The following NT5E variants were observed in gnomAD, a reference collection of about 807,000 sequenced individuals.
NT5E encodes 5'-nucleotidase ecto.
Under a neutral mutation model 55.1 loss-of-function variants are expected in NT5E, and 53 were observed. That is an observed-to-expected ratio of 0.96 (90% CI 0.77 to 1.21). The LOEUF (loss-of-function observed/expected upper bound fraction) is 1.21, where lower values mean the gene tolerates loss of function less well. Ranked by LOEUF, NT5E falls within the 50% of genes most tolerant of loss-of-function variation. The probability of loss-of-function intolerance (pLI) is 0.00; values close to 1 mark genes in which losing one functional copy is unlikely to be tolerated. For missense variants in NT5E, 683 were observed against 724.3 expected, an observed-to-expected ratio of 0.94 and a Z score of 0.65; for synonymous variants, 270 against 278.4, an observed-to-expected ratio of 0.97 and a Z score of 0.30.
intron 3 of NT5E, among the ~76,000 whole-genome samples, chr6:85,475,935 T>A (rs1332169943): frequency 6.6e-6 from 1 of 152,138 alleles, no homozygotes; most frequent in Non-Finnish European, 1.5e-5. Flanking sequence ...TAAAAAAAAA[T>A]TTGGTAGAAT....
chr6:85,478,853 AAG>A (rs967946976), intron 3 of NT5E, among the ~76,000 whole-genome samples: 1 of 151,704 alleles, frequency 6.6e-6, no homozygotes, highest in East Asian at 1.9e-4. Context: ...GAGAGAGAGA[AAG>A]AGAGAGAGAG....
At chr6:85,471,021 A>G (rs1205089296) in intron 2 of NT5E, among the ~76,000 whole-genome samples, 4 of 152,212 alleles carry the variant, frequency 2.6e-5, no homozygotes, top group African/African-American at 9.7e-5. Flanking sequence ...CACAACCTTA[A>G]ACTAATACAA....
rs74858361 is a variant in NT5E at position 85,467,248 on chromosome 6, C to T, written c.528C>T (p.Tyr176=). The part of the protein sequence containing the change: ...VGDEVVGIVG[Y]TSKETPFLSN... ...ATGAAGTTGTGGGAATCGTTGGATA[C>T]ACTTCCAAAGAAACCCCTTTTCTCT... The change falls in exon 2 of 9, where the codon TAC becomes TAT. Residue 176 remains tyrosine, a synonymous_variant. Coordinates refer to ENST00000257770, the MANE Select transcript of NT5E (RefSeq NM_002526.4). The T allele has an allele frequency of 1.4e-3, 2,297 of 1,614,146 alleles. 56 individuals are homozygous for T. In the East Asian group the frequency reaches 0.046, roughly 33 times the overall value.
chr6:85,467,761 A>G lies in NT5E; in HGVS notation c.562+479A>G, dbSNP rs879718505. Among the ~76,000 whole-genome samples the G allele has an allele frequency of 2.5e-4, 38 of 152,100 alleles. 1 individual carries two copies. Among genetic ancestry groups the G allele is most frequent in the Admixed American group, 5.2e-4 (8 of 15,272 alleles). On this transcript the variant is annotated intron_variant, in intron 2 of 8. Coordinates refer to ENST00000257770, the MANE Select transcript of NT5E (RefSeq NM_002526.4). ...CATCTCGTTTTAATGACATTCTTGTATCTGACTTTCTGGGAAATATATATA... is the reference window on the plus strand; with the variant it reads ...CATCTCGTTTTAATGACATTCTTGTGTCTGACTTTCTGGGAAATATATATA...
intron 1 of NT5E, among the ~76,000 whole-genome samples, chr6:85,458,367 T>G (rs1769027849): frequency 2.0e-5 from 3 of 152,246 alleles, no homozygotes. Flanking sequence ...CTCAGGCCTC[T>G]GCTTCCTCTT....
chr6:85,457,853 T>C (rs1442311722), intron 1 of NT5E, among the ~76,000 whole-genome samples: 1 of 152,144 alleles, frequency 6.6e-6, no homozygotes, highest in African/African-American at 2.4e-5. Flanking sequence ...ATAATGGCCA[T>C]TCGAGTTCCT....
chr6:85,475,680 T>C (rs1009996696), intron 3 of NT5E, among the ~76,000 whole-genome samples: 4 of 152,238 alleles, frequency 2.6e-5, no homozygotes, highest in African/African-American at 9.6e-5. Flanking sequence ...CTCTGTGCTG[T>C]CCTTGAAGGG....
chr6:85,450,976 CTT>C lies in NT5E; in HGVS notation c.339+500_339+501del, dbSNP rs1054444647. 1.3e-5 allele frequency among the ~76,000 whole-genome samples: 2 copies of C among 152,248 alleles called. No homozygotes were observed. The highest frequency in any genetic ancestry group is 2.9e-5 in the Non-Finnish European group (2 of 68,046). ...CGTGATAAGAATGGACACCAGATCT[CTT>C]TGACCCCGGAGCTTGAGAGTAATTA... On this transcript the variant is annotated intron_variant, in intron 1 of 8. Coordinates refer to ENST00000257770, the MANE Select transcript of NT5E (RefSeq NM_002526.4). The surrounding 1 kb of genome is among the most constrained non-coding windows in gnomAD (Gnocchi z 4.0).
At position 85,475,171 on chromosome 6, in the gene NT5E, C is replaced by T. The variant is rs563987703; in HGVS notation, c.751+3746C>T. On this transcript the variant is annotated intron_variant, in intron 3 of 8. Coordinates refer to ENST00000257770, the MANE Select transcript of NT5E (RefSeq NM_002526.4). ...AATCTTACTGAGAACCATTTCTGCA[C>T]GCACAGTATCCAATATACAAACACA... Among the ~76,000 whole-genome samples the T allele has an allele frequency of 3.3e-5, 5 of 152,302 alleles. No individual in the cohort carries two copies. In the East Asian group the frequency reaches 9.6e-4, roughly 29 times the overall value.
intron 5 of NT5E, among the ~76,000 whole-genome samples, chr6:85,488,835 C>A (rs1769722483): frequency 6.6e-6 from 1 of 150,776 alleles, no homozygotes; most frequent in Admixed American, 6.6e-5. Context: ...CCTGCCACAG[C>A]CTCCCAAAGT....
rs758049503 is a variant in NT5E at position 85,467,280 on chromosome 6, C to T, written c.560C>T (p.Pro187Leu). The T allele has an allele frequency of 3.1e-6, 5 of 1,613,342 alleles. No individual in the cohort carries two copies. The highest frequency in any genetic ancestry group is 1.1e-5 in the South Asian group (1 of 91,052). ...TSKETPFLSN[P>L]GTNLVFEDEI... is the part of the protein sequence containing the mutation. ...AAAGAAACCCCTTTTCTCTCAAATCCAGGTATTTTCTACTTTTATAGCACT... is the reference window on the plus strand; with the variant it reads ...AAAGAAACCCCTTTTCTCTCAAATCTAGGTATTTTCTACTTTTATAGCACT... The change falls in exon 2 of 9, where the codon CCA (proline) becomes CTA (leucine). Residue 187 changes from proline to leucine, a missense_variant and splice_region_variant. Transcript: ENST00000257770.
chr6:85,492,264 T>C, intron 8 of NT5E, 87 bp downstream of exon 8: 1 of 1,218,484 alleles, frequency 8.2e-7, no homozygotes, highest in African/African-American at 1.5e-5. Context: ...GAGGGCAAAG[T>C]GACTCCCTGT....
Position 85,491,957 on chromosome 6 carries a change from CAG to C in NT5E, c.1361-18_1361-17del. 2 of 1,609,816 alleles carry C rather than the reference CAG, an allele frequency of 1.2e-6. No homozygotes were observed. ...AATCTCCCTTTGGATCTGGTGAAAA[CAG>C]ATTCATTTCTTTTCTAGGAATCCAT... is the stretch of plus-strand genomic sequence containing the variant. On this transcript the variant is annotated intron_variant, in intron 7 of 8. Coordinates refer to ENST00000257770, the MANE Select transcript of NT5E (RefSeq NM_002526.4).
Position 85,490,582 on chromosome 6 carries a change from T to A in NT5E, c.1285T>A (p.Ser429Thr). 1 of 1,614,210 alleles carries A rather than the reference T, an allele frequency of 6.2e-7. No individual in the cohort carries two copies. Among genetic ancestry groups the A allele is most frequent in the Non-Finnish European group, 8.5e-7 (1 of 1,180,018 alleles). ...ATTTGACCTAGTCCAGTTAAAAGGT[T>A]CCACCCTGAAGAAGGCCTTTGAGCA... The part of the protein sequence containing the change: ...GTFDLVQLKG[S>T]TLKKAFEHSV... Residue 429 changes from serine (S) to threonine (T), a missense_variant, in exon 7 of 9, where the codon TCC becomes ACC. By Grantham distance (58) the Ser-to-Thr change is moderately conservative. Transcript: ENST00000257770.
At chr6:85,461,221 C>T (rs1303298377) in intron 1 of NT5E, among the ~76,000 whole-genome samples, 1 of 152,130 alleles carries the variant, frequency 6.6e-6, no homozygotes, top group Non-Finnish European at 1.5e-5. Flanking sequence ...GTCCTTCAGC[C>T]CCTTATCCCA....
At chr6:85,488,110 C>T (rs978531152) in intron 5 of NT5E, among the ~76,000 whole-genome samples, 2 of 152,198 alleles carry the variant, frequency 1.3e-5, no homozygotes, top group Non-Finnish European at 2.9e-5. Context: ...AAAGACAACA[C>T]ACAGTTTTAA....
Position 85,492,083 on chromosome 6 carries a change from G to A in NT5E, c.1467G>A (p.Met489Ile). Residue 489 changes from methionine to isoleucine, a missense_variant, in exon 8 of 9, where the codon ATG becomes ATA. By Grantham distance (10) the Met-to-Ile change is conservative. Coordinates refer to ENST00000257770, the MANE Select transcript of NT5E (RefSeq NM_002526.4). ...TGCCCAGTTATGACCCTCTCAAAATGGACGAGGTATATAAGGTGATCCTCC... is the reference window on the plus strand; with the variant it reads ...TGCCCAGTTATGACCCTCTCAAAATAGACGAGGTATATAAGGTGATCCTCC... ...CRVPSYDPLKMDEVYKVILPN... is the reference protein window; with the variant it reads ...CRVPSYDPLKIDEVYKVILPN... 6.2e-7 allele frequency: 1 copy of A among 1,614,116 alleles called. No individual in the cohort carries two copies.
In NT5E at chr6:85,489,572, C is replaced by CG. The variant is rs1441883136; in HGVS notation, c.1185dup (p.Ser396ValfsTer4). 1 of 1,613,590 alleles carries CG rather than the reference C, an allele frequency of 6.2e-7. No individual in the cohort carries two copies. Among genetic ancestry groups the CG allele is most frequent in the Admixed American group, 1.7e-5 (1 of 59,992 alleles). On this transcript the variant is annotated frameshift_variant, in exon 6 of 9. Coordinates refer to ENST00000257770, the MANE Select transcript of NT5E (RefSeq NM_002526.4). LOFTEE classifies it high-confidence loss of function. ...GTGCATTTTAAATGGAGGTGGTATC[C>CG]GGTCGCCCATTGATGAACGCAACAA... is the stretch of plus-strand genomic sequence containing the variant.
At chr6:85,456,615 C>T (rs146307428) in intron 1 of NT5E, among the ~76,000 whole-genome samples, 2 of 152,160 alleles carry the variant, frequency 1.3e-5, no homozygotes, top group South Asian at 2.1e-4. Context: ...AGGGAAATCA[C>T]GGTTTTGGAA....
Sources: gnomAD v4.1 joint callset for allele counts (sites outside exome capture counted in the v4.1 genomes callset) on GRCh38, gnomAD v4.1.1 for gene constraint, Gnocchi (gnomAD v3.1) non-coding constraint, MANE v1.5 for transcripts, NCBI Gene and HGNC (gene_info 2026-07-23, HGNC 2026-07-21) for gene names.